The following PSTPIP2 variants were observed in gnomAD, a reference collection of about 807,000 sequenced individuals.
PSTPIP2 encodes proline-serine-threonine phosphatase interacting protein 2, also known as proline-serine-threonine phosphatase-interacting protein 2.
PSTPIP2 carries 33 observed loss-of-function variants against 63.3 expected under a neutral mutation model. The observed-to-expected ratio is 0.52, with a 90% CI of 0.40 to 0.70. The LOEUF (loss-of-function observed/expected upper bound fraction) is 0.70, where lower values mean the gene tolerates loss of function less well. Ranked by LOEUF, PSTPIP2 falls within the 30% of genes least tolerant of loss-of-function variation. PSTPIP2 has a pLI of 0.00. For synonymous variants in PSTPIP2, 125 were observed against 132.7 expected (o/e 0.94, Z 0.40); for missense variants, 312 against 400.7 (o/e 0.78, Z 1.89).
chr18:45,991,785 C>T (rs2051535993), intron 12 of PSTPIP2, 117 bp downstream of exon 12: 2 of 985,228 alleles, frequency 2.0e-6, no homozygotes, highest in Non-Finnish European at 3.0e-6. Context: ...AAGCAAGCAG[C>T]CTTATTAAGC....
chr18:46,069,392 A>G (rs1169130488), intron 1 of PSTPIP2, among the ~76,000 whole-genome samples: 1 of 152,228 alleles, frequency 6.6e-6, no homozygotes, highest in Non-Finnish European at 1.5e-5. Context: ...AAGTGCCACA[A>G]AGAAGGTATA....
intron 1 of PSTPIP2, chr18:46,040,436 A>G: frequency 5.8e-6 from 1 of 172,844 alleles, no homozygotes; most frequent in Non-Finnish European, 1.2e-5. Context: ...CTGATAACAA[A>G]TGCTGATCAC....
intron 2 of PSTPIP2, chr18:46,029,667 A>G (rs1343831825): frequency 1.4e-6 from 1 of 722,710 alleles, no homozygotes; most frequent in Admixed American, 2.1e-5. Flanking sequence ...AAATATTGGC[A>G]ATTGCTTCAG....
chr18:46,011,990 C>T (rs73953960), intron 4 of PSTPIP2, among the ~76,000 whole-genome samples: 5,248 of 152,126 alleles, frequency 0.034, 295 homozygotes, highest in African/African-American at 0.12. Flanking sequence ...AAACTGGAAA[C>T]ATATTTGCAA....
intron 1 of PSTPIP2, among the ~76,000 whole-genome samples, chr18:46,060,781 C>G (rs1363766588): frequency 6.6e-6 from 1 of 152,236 alleles, no homozygotes; most frequent in Non-Finnish European, 1.5e-5. Flanking sequence ...TGAGAGCAGA[C>G]AGGCTTCTAC....
chr18:46,001,423 C>T (rs796710462), intron 6 of PSTPIP2, among the ~76,000 whole-genome samples: 1 of 152,020 alleles, frequency 6.6e-6, no homozygotes, highest in Non-Finnish European at 1.5e-5. Flanking sequence ...AGATCCGTTG[C>T]CCATTTTTTT....
chr18:45,990,730 C>A lies in PSTPIP2; in HGVS notation c.947G>T (p.Ser316Ile), dbSNP rs371719701. Residue 316 changes from serine to isoleucine, a missense_variant, in exon 13 of 15, where the codon AGC becomes ATC. Coordinates refer to ENST00000409746, the MANE Select transcript of PSTPIP2 (RefSeq NM_024430.4). ...ARRGPLPIPK[S>I]SPDDPNYSLV... ...CTTTTTTAGTGGCATACCTGGTGAG[C>A]TTTTAGGAATTGGGAGGGGTCCTCT... 3 of 1,606,160 alleles carry A rather than the reference C, an allele frequency of 1.9e-6. No homozygotes were observed. Among genetic ancestry groups the A allele is most frequent in the Middle Eastern group, 1.7e-4 (1 of 6,048 alleles).
At chr18:46,044,849 G>A (rs1020097581) in intron 1 of PSTPIP2, among the ~76,000 whole-genome samples, 1 of 152,236 alleles carries the variant, frequency 6.6e-6, no homozygotes, top group African/African-American at 2.4e-5. Flanking sequence ...GTGGGTGAAG[G>A]ACATGAACAG....
intron 1 of PSTPIP2, among the ~76,000 whole-genome samples, chr18:46,044,848 G>A (rs1282951026): frequency 6.6e-6 from 1 of 152,256 alleles, no homozygotes; most frequent in East Asian, 1.9e-4. Flanking sequence ...AGTGGGTGAA[G>A]GACATGAACA....
intron 12 of PSTPIP2, among the ~76,000 whole-genome samples, chr18:45,991,189 A>G (rs1042566931): frequency 2.0e-5 from 3 of 152,218 alleles, no homozygotes; most frequent in African/African-American, 4.8e-5. Context: ...TGATCATGCA[A>G]TCCTTCCCAG....
chr18:46,044,291 G>A (rs1364456666), intron 1 of PSTPIP2, among the ~76,000 whole-genome samples: 2 of 152,172 alleles, frequency 1.3e-5, no homozygotes, highest in Middle Eastern at 3.2e-3. Context: ...AAAACAGCAT[G>A]GTACTGGTAC....
chr18:46,007,067 G>A (rs866215403), intron 5 of PSTPIP2, among the ~76,000 whole-genome samples: 1 of 152,120 alleles, frequency 6.6e-6, no homozygotes, highest in African/African-American at 2.4e-5. Context: ...ACAACGAAAA[G>A]ATGCGAAAAT....
intron 1 of PSTPIP2, among the ~76,000 whole-genome samples, chr18:46,062,094 C>A (rs1909011759): frequency 6.6e-6 from 1 of 152,154 alleles, no homozygotes; most frequent in Non-Finnish European, 1.5e-5. Flanking sequence ...CAAAACTAAG[C>A]TCAGAAGTTA....
chr18:46,013,631 A>G (rs187622364), intron 4 of PSTPIP2, among the ~76,000 whole-genome samples: 29 of 152,200 alleles, frequency 1.9e-4, no homozygotes, highest in African/African-American at 7.0e-4. Context: ...TTATAACCAA[A>G]GGCCACAAAG....
chr18:46,025,955 A>G (rs1398595243), intron 2 of PSTPIP2, among the ~76,000 whole-genome samples: 1 of 152,166 alleles, frequency 6.6e-6, no homozygotes. Context: ...AAGTTTCACC[A>G]TGTTGGCCAG....
At chr18:46,065,295 ATT>A (rs34055401) in intron 1 of PSTPIP2, among the ~76,000 whole-genome samples, 3 of 140,726 alleles carry the variant, frequency 2.1e-5, no homozygotes, top group African/African-American at 5.7e-5. Context: ...ATAAGTTATA[ATT>A]TTTTTTTTTT....
At chr18:46,007,057 A>G (rs1487488914) in intron 5 of PSTPIP2, among the ~76,000 whole-genome samples, 3 of 152,232 alleles carry the variant, frequency 2.0e-5, no homozygotes, top group Non-Finnish European at 4.4e-5. Context: ...CAAACTGTAA[A>G]CAACGAAAAG....
At chr18:45,987,137 TC>T (rs2051476333) in intron 14 of PSTPIP2, among the ~76,000 whole-genome samples, 1 of 152,108 alleles carries the variant, frequency 6.6e-6, no homozygotes, top group Admixed American at 6.6e-5. Flanking sequence ...CTGTGCCCAG[TC>T]ATTAGCTGAT....
rs937008787 is a variant in PSTPIP2, at chr18:45,986,374, T to A, written c.*9-924A>T. Among the ~76,000 whole-genome samples the A allele has an allele frequency of 2.0e-5, 3 of 152,230 alleles. No individual in the cohort carries two copies. The East Asian group carries it at 5.8e-4, about 29-fold the overall frequency. On this transcript the variant is annotated intron_variant, in intron 14 of 14. Transcript: ENST00000409746. ...ATCTTGCATTCAAACATCACACTCT[T>A]AGACTCTGAGGAACTACAGTTGTTG...
Sources: allele counts gnomAD v4.1 joint callset (sites outside exome capture counted in the v4.1 genomes callset), GRCh38; gene constraint gnomAD v4.1.1; transcripts MANE v1.5; gene names NCBI Gene and HGNC (gene_info 2026-07-23, HGNC 2026-07-21).